METTL24: variants seen among roughly 807,000 people sequenced by gnomAD.
METTL24 encodes the protein methyltransferase like 24.
In METTL24, 29 loss-of-function variants were observed where a neutral mutation model predicts 32.7. The ratio of observed to expected loss-of-function variants is 0.89; its 90% CI spans 0.66 to 1.21. The LOEUF is 1.21. Among genes scored for constraint, METTL24 ranks in the 50% most tolerant of loss-of-function variants. The probability of loss-of-function intolerance (pLI) is 0.00; values close to 1 mark genes in which losing one functional copy is unlikely to be tolerated. For missense variants in METTL24, 439 were observed against 468.1 expected (o/e 0.94, Z 0.57); for synonymous variants, 163 against 179.5 (o/e 0.91, Z 0.73).
intron 3 of METTL24, among the ~76,000 whole-genome samples, chr6:110,306,550 A>G (rs955144117): frequency 3.3e-5 from 5 of 152,066 alleles, no homozygotes; most frequent in Admixed American, 1.3e-4. Flanking sequence ...AATGCATTAG[A>G]TAACATAAAA....
intron 1 of METTL24, among the ~76,000 whole-genome samples, chr6:110,342,744 T>C (rs1772384542): frequency 6.6e-6 from 1 of 152,182 alleles, no homozygotes; most frequent in East Asian, 1.9e-4. Context: ...CAACCACTAA[T>C]CTACTTTCTG....
At chr6:110,279,050 A>G (rs1326433394) in intron 4 of METTL24, among the ~76,000 whole-genome samples, 2 of 152,218 alleles carry the variant, frequency 1.3e-5, no homozygotes, top group Non-Finnish European at 2.9e-5. Context: ...GGTTATGACC[A>G]TAGCATACTC....
At chr6:110,346,170 A>G (rs1055797777) in intron 1 of METTL24, among the ~76,000 whole-genome samples, 1 of 152,242 alleles carries the variant, frequency 6.6e-6, no homozygotes, top group African/African-American at 2.4e-5. Flanking sequence ...TGGACTTTCA[A>G]GTAGCGCTTG....
intron 2 of METTL24, among the ~76,000 whole-genome samples, chr6:110,321,643 A>G (rs1771931185): frequency 6.6e-6 from 1 of 152,244 alleles, no homozygotes; most frequent in South Asian, 2.1e-4. Flanking sequence ...CAGCAAAATA[A>G]GATAAAATCA....
At chr6:110,331,490 C>G (rs1772109084) in intron 1 of METTL24, among the ~76,000 whole-genome samples, 1 of 151,832 alleles carries the variant, frequency 6.6e-6, no homozygotes, top group Non-Finnish European at 1.5e-5. Context: ...GAGACCCTGT[C>G]TCTACAAAAA....
At chr6:110,283,937 C>G (rs926514291) in intron 4 of METTL24, among the ~76,000 whole-genome samples, 1 of 152,138 alleles carries the variant, frequency 6.6e-6, no homozygotes, top group African/African-American at 2.4e-5. Flanking sequence ...TGTTTATTGA[C>G]AGATGAATGG....
intron 1 of METTL24, among the ~76,000 whole-genome samples, chr6:110,334,649 A>G (rs1241310379): frequency 6.6e-6 from 1 of 152,198 alleles, no homozygotes; most frequent in African/African-American, 2.4e-5. Flanking sequence ...ATGGTTAAAG[A>G]GTAGCAGCGG....
At chr6:110,274,375 G>T (rs1323242932) in intron 4 of METTL24, among the ~76,000 whole-genome samples, 2 of 152,130 alleles carry the variant, frequency 1.3e-5, no homozygotes, top group East Asian at 3.8e-4. Flanking sequence ...TTACAGGCGT[G>T]AGCCACCATT....
chr6:110,339,661 G>A (rs1772313254), intron 1 of METTL24, among the ~76,000 whole-genome samples: 1 of 152,182 alleles, frequency 6.6e-6, no homozygotes, highest in East Asian at 1.9e-4. Context: ...CAAAAGATTG[G>A]CAAACAAATG....
rs556418793 is a variant in METTL24 at position 110,247,686 on chromosome 6, T to C, written c.787-1426A>G. On this transcript the variant is annotated intron_variant, in intron 4 of 4. Coordinates refer to ENST00000338882, the MANE Select transcript of METTL24 (RefSeq NM_001123364.3). ...AACCTTAAGCAGCCCTTCAGGAAGC[T>C]GCTGACTGAAGTCATGAATATCCTG... Among the ~76,000 whole-genome samples the C allele has an allele frequency of 4.6e-5, 7 of 152,330 alleles. No individual in the cohort carries two copies. The South Asian group carries it at 6.2e-4, about 14-fold the overall frequency.
chr6:110,338,355 G>A (rs148900574), intron 1 of METTL24, among the ~76,000 whole-genome samples: 5,386 of 152,138 alleles, frequency 0.035, 318 homozygotes, highest in African/African-American at 0.12. Flanking sequence ...AAAATTAGCT[G>A]GGCGTGATGG....
chr6:110,274,516 A>G (rs2114711490), intron 4 of METTL24, among the ~76,000 whole-genome samples: 1 of 152,310 alleles, frequency 6.6e-6, no homozygotes, highest in East Asian at 1.9e-4. Flanking sequence ...GAGAAAGGGT[A>G]GGAGGGTATA....
intron 1 of METTL24, among the ~76,000 whole-genome samples, chr6:110,341,805 C>T (rs1772364451): frequency 6.6e-6 from 1 of 152,214 alleles, no homozygotes; most frequent in Non-Finnish European, 1.5e-5. Flanking sequence ...ATGGACATAA[C>T]GTCCGTCTCA....
rs114567778 is a variant in METTL24, at chr6:110,343,119, C to T, written c.318+14836G>A. Among the ~76,000 whole-genome samples the T allele has an allele frequency of 2.8e-3, 420 of 152,244 alleles. 1 individual carries two copies. Among genetic ancestry groups the T allele is most frequent in the African/African-American group, 9.9e-3 (412 of 41,542 alleles). On this transcript the variant is annotated intron_variant, in intron 1 of 4. Transcript: ENST00000338882. Reference sequence around the variant, plus strand: ...CACTTTTGAACCCTAACGTTTATGTCATCACCCTCCGTGTACCCATTTCCA... The same window carrying T: ...CACTTTTGAACCCTAACGTTTATGTTATCACCCTCCGTGTACCCATTTCCA...
At chr6:110,280,072 G>A (rs890193114) in intron 4 of METTL24, among the ~76,000 whole-genome samples, 7 of 152,086 alleles carry the variant, frequency 4.6e-5, no homozygotes, top group African/African-American at 1.4e-4. Flanking sequence ...TCACTATTGC[G>A]AGGACAGTAC....
At chr6:110,353,210 T>C (rs1772642841) in intron 1 of METTL24, among the ~76,000 whole-genome samples, 1 of 152,236 alleles carries the variant, frequency 6.6e-6, no homozygotes, top group African/African-American at 2.4e-5. Flanking sequence ...TCAATGACTT[T>C]GTTTAAAATG....
intron 1 of METTL24, among the ~76,000 whole-genome samples, chr6:110,333,975 G>A (rs1178663578): frequency 1.3e-5 from 2 of 151,810 alleles, no homozygotes; most frequent in Non-Finnish European, 2.9e-5. Context: ...TTTAATAAGA[G>A]TAACTTAGAA....
chr6:110,274,817 T>C (rs996408291), intron 4 of METTL24, among the ~76,000 whole-genome samples: 5 of 148,008 alleles, frequency 3.4e-5, no homozygotes, highest in Non-Finnish European at 7.5e-5. Flanking sequence ...TTTTTTTTTT[T>C]TTTGAGACAG....
chr6:110,327,598 T>C (rs1376250431), intron 1 of METTL24, among the ~76,000 whole-genome samples: 2 of 152,226 alleles, frequency 1.3e-5, no homozygotes, highest in Admixed American at 6.5e-5. Context: ...AATGTTCTTA[T>C]TGGAATCAGT....
Sources: allele counts gnomAD v4.1 joint callset (sites outside exome capture counted in the v4.1 genomes callset), GRCh38; gene constraint gnomAD v4.1.1; transcripts MANE v1.5; gene names NCBI Gene and HGNC (gene_info 2026-07-23, HGNC 2026-07-21).